Variants in THBS1 observed in about 807,000 individuals in gnomAD.
THBS1 encodes the protein thrombospondin 1, also known as thrombospondin-1.
In THBS1, 29 loss-of-function variants were observed where a neutral mutation model predicts 126.1. The observed-to-expected ratio is 0.23, with a 90% CI of 0.17 to 0.31. The LOEUF (loss-of-function observed/expected upper bound fraction) is 0.31. Among genes scored for constraint, THBS1 ranks in the 10% least tolerant of loss-of-function variants. The pLI, the probability that THBS1 is intolerant of heterozygous loss-of-function variation, is 1.00. For synonymous variants in THBS1, 496 were observed against 577.8 expected, an observed-to-expected ratio of 0.86 and a Z score of 2.03; for missense variants, 1,198 against 1,545.2, an observed-to-expected ratio of 0.78 and a Z score of 3.77.
Position 39,595,665 on chromosome 15 carries a change from C to T in THBS1, c.*296C>T, listed in dbSNP as rs1436082980. 2 of 574,062 alleles carry T rather than the reference C, an allele frequency of 3.5e-6. No homozygotes were observed. The highest frequency in any genetic ancestry group is 6.6e-6 in the Non-Finnish European group (2 of 303,558). 35.6% of individuals were successfully genotyped at this position (574,062 alleles called of 1,614,324 possible). A position where few individuals can be genotyped will look rare whatever the true frequency, so the allele number is the denominator to read the frequency against. On this transcript the variant is annotated 3_prime_UTR_variant, in exon 22 of 22. Transcript: ENST00000260356. Reference sequence around the variant, plus strand: ...TTCAGTTGGGAAGGTGCCCATTCCACTCTGCCTTTGTCACAGAGCAGGGTG... The same window carrying T: ...TTCAGTTGGGAAGGTGCCCATTCCATTCTGCCTTTGTCACAGAGCAGGGTG...
At position 39,588,075 on chromosome 15, in the gene THBS1, C is replaced by T. The variant is rs763377185; in HGVS notation, c.1328C>T (p.Pro443Leu). The stretch of plus-strand genomic sequence containing the variant: ...GATGGTGGCTGGAGCCACTGGTCCC[C>T]GTGGTCATCTTGTTCTGTGACATGT... ...KQDGGWSHWS[P>L]WSSCSVTCGD... The change falls in exon 9 of 22, where the codon CCG becomes CTG. Residue 443 changes from proline (P) to leucine (L), a missense_variant. Pro to Leu is a moderately conservative substitution (Grantham distance 98, BLOSUM62 -3). Around this residue, in one of 4 missense-constraint regions of THBS1, gnomAD observed 663 missense variants for 860.1 expected, o/e 0.77. Transcript: ENST00000260356. 1.2e-5 allele frequency: 20 copies of T among 1,614,042 alleles called. No individual in the cohort carries two copies. Among genetic ancestry groups the T allele is most frequent in the Admixed American group, 1.7e-5 (1 of 59,998 alleles).
rs1319161198 is a variant in THBS1, at chr15:39,583,619, G to T, written c.630G>T (p.Gly210=). 6.2e-7 allele frequency: 1 copy of T among 1,613,532 alleles called. No homozygotes were observed. Among genetic ancestry groups the T allele is most frequent in the Non-Finnish European group, 8.5e-7 (1 of 1,179,784 alleles). The change falls in exon 4 of 22, where the codon GGG becomes GGT. Residue 210 remains glycine, a splice_region_variant and synonymous_variant. Coordinates refer to ENST00000260356, the MANE Select transcript of THBS1 (RefSeq NM_003246.4). ...TAATGTGTGTCCTCTGCCCACAGGG[G>T]GTGCTGCAGAATGTGAGGTTTGTCT... The part of the protein sequence containing the change: ...AKGGVNDNFQ[G]VLQNVRFVFG...
rs1302866470 is a variant in THBS1 at position 39,595,525 on chromosome 15, C to T, written c.*156C>T. 3 of 967,310 alleles carry T rather than the reference C, an allele frequency of 3.1e-6. No homozygotes were observed. Among genetic ancestry groups the T allele is most frequent in the Non-Finnish European group, 4.5e-6 (3 of 662,588 alleles). The allele number at this position is 967,310 out of a possible 1,614,324, so 59.9% of individuals were successfully genotyped here. A position where few individuals can be genotyped will look rare whatever the true frequency, so the allele number is the denominator to read the frequency against. On this transcript the variant is annotated 3_prime_UTR_variant, in exon 22 of 22. Coordinates refer to ENST00000260356, the MANE Select transcript of THBS1 (RefSeq NM_003246.4). ...TGGACTCCTAGAACGTGCGACCTGCCTCAAGAAAATGCAGTTTTCAAAAAC... is the reference window on the plus strand; with the variant it reads ...TGGACTCCTAGAACGTGCGACCTGCTTCAAGAAAATGCAGTTTTCAAAAAC...
At chr15:39,582,081 G>T in intron 2 of THBS1, 112 bp from the exon 3 acceptor site, 1 of 1,345,876 alleles carries the variant, frequency 7.4e-7, no homozygotes, top group Admixed American at 2.1e-5. Flanking sequence ...ACCTCTTTCA[G>T]TGGTTGCCAG....
rs995239351 is a variant in THBS1, at chr15:39,587,967, C to T, written c.1295-75C>T. 4.6e-5 allele frequency: 66 copies of T among 1,423,944 alleles called. No homozygotes were observed. In the African/African-American group the frequency reaches 7.7e-4, roughly 17 times the overall value. 88.2% of individuals were successfully genotyped at this position (1,423,944 alleles called of 1,614,324 possible). A position where few individuals can be genotyped will look rare whatever the true frequency, so the allele number is the denominator to read the frequency against. ...TGACCATTTCCTGGAAATACTTCTG[C>T]GTGCTCCTGATGGGAGCCTCTATTT... On this transcript the variant is annotated intron_variant, in intron 8 of 21. Transcript: ENST00000260356.
chr15:39,588,251 G>T (rs1725228146), intron 9 of THBS1, 33 bp downstream of exon 9: 1 of 1,602,934 alleles, frequency 6.2e-7, no homozygotes, highest in Non-Finnish European at 8.5e-7. Context: ...GGGTGAGCAT[G>T]GGCAGCAGCT....
chr15:39,587,277 GAACAGAGCC>G, intron 7 of THBS1, 61 bp from the exon 8 acceptor site: 1 of 1,523,886 alleles, frequency 6.6e-7, no homozygotes, highest in Non-Finnish European at 8.9e-7. Context: ...GGAGGGCCCT[GAACAGAGCC>G]CTCTAAAGAA....
chr15:39,594,027 T>C lies in THBS1; in HGVS notation c.3268-72T>C. On this transcript the variant is annotated intron_variant, in intron 19 of 21. Coordinates refer to ENST00000260356, the MANE Select transcript of THBS1 (RefSeq NM_003246.4). This position sits in a 1 kb window ranked among gnomAD's most constrained non-coding sequence, Gnocchi z 4.4. ...AGCTCAGTACCTTTCAAGCATTGTT[T>C]CTGATGGAATGAAATAGAAATCTTT... 6.8e-7 allele frequency: 1 copy of C among 1,470,646 alleles called. No individual in the cohort carries two copies. 91.1% of individuals were successfully genotyped at this position (1,470,646 alleles called of 1,614,324 possible).
Position 39,598,254 on chromosome 15 carries a change from T to TG in THBS1, c.*2887dup, listed in dbSNP as rs1048001450. The TG allele has an allele frequency of 6.6e-6, 1 of 152,240 alleles. No individual in the cohort carries two copies. The highest frequency in any genetic ancestry group is 1.5e-5 in the Non-Finnish European group (1 of 68,034). The allele number at this position is 152,240 out of a possible 1,614,324, so 9.4% of individuals were successfully genotyped here. ...AGGTCTATTAAACACTAGAAAGGAC[T>TG]GGCTGGGTGAGATAAAATCTTCCTT... On this transcript the variant is annotated 3_prime_UTR_variant, in exon 22 of 22. Coordinates refer to ENST00000260356, the MANE Select transcript of THBS1 (RefSeq NM_003246.4).
At position 39,592,454 on chromosome 15, in the gene THBS1, ACC is replaced by A; in HGVS notation, c.2533-111_2533-110del. 1 of 765,720 alleles carries A rather than the reference ACC, an allele frequency of 1.3e-6. No homozygotes were observed. Among genetic ancestry groups the A allele is most frequent in the South Asian group, 1.9e-5 (1 of 53,488 alleles). The allele number at this position is 765,720 out of a possible 1,614,324, so 47.4% of individuals were successfully genotyped here. A position where few individuals can be genotyped will look rare whatever the true frequency, so the allele number is the denominator to read the frequency against. On this transcript the variant is annotated intron_variant, in intron 16 of 21. Transcript: ENST00000260356. This position sits in a 1 kb window ranked among gnomAD's most constrained non-coding sequence, Gnocchi z 4.3. ...GCAGGAGTGTGTAAATAGACATGAC[ACC>A]CCACTGGCTGTATCAAACAATGGAG...
intron 14 of THBS1, 140 bp from the exon 15 acceptor site, chr15:39,591,051 A>T: frequency 1.1e-6 from 1 of 951,840 alleles, no homozygotes; most frequent in Non-Finnish European, 1.6e-6. Flanking sequence ...ATCGTTTTAC[A>T]CTGAGTGATC....
At position 39,588,040 on chromosome 15, in the gene THBS1, A is replaced by T; in HGVS notation, c.1295-2A>T. The T allele has an allele frequency of 6.2e-7, 1 of 1,613,814 alleles. No individual in the cohort carries two copies. Among genetic ancestry groups the T allele is most frequent in the Non-Finnish European group, 8.5e-7 (1 of 1,179,864 alleles). ...TTTGTGACCATCAACTCTGTACTTT[A>T]GTTAAACAGGATGGTGGCTGGAGCC... On this transcript the variant is annotated splice_acceptor_variant, in intron 8 of 21. Coordinates refer to ENST00000260356, the MANE Select transcript of THBS1 (RefSeq NM_003246.4). LOFTEE classifies it high-confidence loss of function.
At chr15:39,587,905 G>T in intron 8 of THBS1, 137 bp from the exon 9 acceptor site, 1 of 815,168 alleles carries the variant, frequency 1.2e-6, no homozygotes, top group Non-Finnish European at 1.9e-6. Flanking sequence ...ATGTGGCCAG[G>T]AGCCAATTTC....
intron 7 of THBS1, 91 bp from the exon 8 acceptor site, chr15:39,587,256 C>T (rs1456650364): frequency 1.6e-5 from 21 of 1,310,696 alleles, no homozygotes; most frequent in Non-Finnish European, 2.1e-5. Context: ...GCTTTTCACC[C>T]TCTGGCAAGT....
At chr15:39,581,777 C>T in intron 1 of THBS1, 52 bp from the exon 2 acceptor site, 1 of 1,237,906 alleles carries the variant, frequency 8.1e-7, no homozygotes, top group Non-Finnish European at 1.2e-6. Flanking sequence ...GCGCACCGTC[C>T]CTCCCTGCCT....
At chr15:39,584,492 C>T (rs1225713540) in intron 6 of THBS1, 70 bp downstream of exon 6, 2 of 1,582,116 alleles carry the variant, frequency 1.3e-6, no homozygotes, top group African/African-American at 2.7e-5. Context: ...TGGGGAAATA[C>T]CCTAATCGCC....
At chr15:39,583,727 A>G (rs1201805689) in intron 4 of THBS1, 35 bp downstream of exon 4, 1 of 1,591,934 alleles carries the variant, frequency 6.3e-7, no homozygotes. Context: ...CACATAGGGA[A>G]TCAGGGGGAA....
chr15:39,589,260 C>G lies in THBS1; in HGVS notation c.1832C>G (p.Thr611Arg). The G allele has an allele frequency of 6.2e-7, 1 of 1,614,154 alleles. No homozygotes were observed. Among genetic ancestry groups the G allele is most frequent in the Non-Finnish European group, 8.5e-7 (1 of 1,180,018 alleles). Residue 611 changes from threonine (T) to arginine (R), a missense_variant, in exon 12 of 22, where the codon ACG (threonine) becomes AGG (arginine). Coordinates refer to ENST00000260356, the MANE Select transcript of THBS1 (RefSeq NM_003246.4). This position sits in a 1 kb window ranked among gnomAD's most constrained non-coding sequence, Gnocchi z 4.7. ...AATGGAGAGCACCGGTGTGAGAACA[C>G]GGACCCCGGCTACAACTGCCTGCCC... ...NHNGEHRCEN[T>R]DPGYNCLPCP...
chr15:39,583,699 A>G lies in THBS1; in HGVS notation c.703+7A>G, dbSNP rs1367179911. On this transcript the variant is annotated splice_region_variant and intron_variant, in intron 4 of 21. Coordinates refer to ENST00000260356, the MANE Select transcript of THBS1 (RefSeq NM_003246.4). ...AACAAAGGCTGCTCCAGCTGTGAGT[A>G]CCCCTCTATTTTTAGGGCACATAGG... is the stretch of plus-strand genomic sequence containing the variant. The G allele has an allele frequency of 6.2e-7, 1 of 1,612,834 alleles. No individual in the cohort carries two copies. The highest frequency in any genetic ancestry group is 8.5e-7 in the Non-Finnish European group (1 of 1,179,498).
Sources: allele counts gnomAD v4.1 joint callset, GRCh38; gene constraint gnomAD v4.1.1; regional missense constraint gnomAD v4.1.1; non-coding constraint Gnocchi (gnomAD v3.1); transcripts MANE v1.5; gene names NCBI Gene and HGNC (gene_info 2026-07-23, HGNC 2026-07-21).